Variants in ZZEF1 observed in about 807,000 individuals in gnomAD.
ZZEF1 encodes the protein zinc finger ZZ-type and EF-hand domain-containing protein 1.
In ZZEF1, 157 loss-of-function variants were observed where a neutral mutation model predicts 342.8. That is an observed-to-expected ratio of 0.46 (90% CI 0.40 to 0.52). The LOEUF is 0.52. ZZEF1 is among the 20% of genes least tolerant of loss of function. ZZEF1 has a pLI of 0.00. For synonymous variants in ZZEF1, 1,505 were observed against 1,429.1 expected (o/e 1.05, Z -1.20); for missense variants, 3,480 against 3,725.6 (o/e 0.93, Z 1.72).
chr17:4,051,914 T>G, intron 35 of ZZEF1, 57 bp downstream of exon 35: 2 of 1,535,488 alleles, frequency 1.3e-6, no homozygotes, highest in South Asian at 2.5e-5. Flanking sequence ...AAGTCCCTTT[T>G]CAAGTGAAGG....
At chr17:4,027,048 G>A (rs1333606897) in intron 42 of ZZEF1, among the ~76,000 whole-genome samples, 1 of 152,082 alleles carries the variant, frequency 6.6e-6, no homozygotes, top group Admixed American at 6.6e-5. Context: ...TCTTTACAAA[G>A]GAATGAAGAG....
At chr17:4,009,854 T>A in intron 52 of ZZEF1, 97 bp from the exon 53 acceptor site, 1 of 1,382,086 alleles carries the variant, frequency 7.2e-7, no homozygotes, top group Non-Finnish European at 9.8e-7. Context: ...ACCCTCCCTC[T>A]CCCACAGCTG....
chr17:4,080,942 C>G (rs2057712308), intron 18 of ZZEF1, among the ~76,000 whole-genome samples: 2 of 152,116 alleles, frequency 1.3e-5, no homozygotes, highest in African/African-American at 4.8e-5. Flanking sequence ...AGTCAAGTAA[C>G]AAAGTACATT....
At position 4,052,091 on chromosome 17, in the gene ZZEF1, T is replaced by C. The variant is rs766584017; in HGVS notation, c.5480A>G (p.Asn1827Ser). The C allele has an allele frequency of 3.7e-6, 6 of 1,614,040 alleles. No homozygotes were observed. The South Asian group carries it at 4.4e-5, about 12-fold the overall frequency. Residue 1827 changes from asparagine (N) to serine (S), a missense_variant, in exon 35 of 55, where the codon AAC becomes AGC. Physicochemically the swap from Asn to Ser is conservative, Grantham distance 46. Around this residue, in one of 5 missense-constraint regions of ZZEF1, gnomAD observed 175 missense variants for 254.6 expected, o/e 0.69. Coordinates refer to ENST00000381638, the MANE Select transcript of ZZEF1 (RefSeq NM_015113.4). ...EGHGDDHEMV[N>S]MEFTCDHCQG... ...GCAGTGGTCACAGGTAAACTCCATG[T>C]TGACCATTTCATGGTCGTCTCCGTG...
chr17:4,009,090 T>TG (rs2055876965), intron 53 of ZZEF1, 136 bp from the exon 54 acceptor site: 1 of 1,082,528 alleles, frequency 9.2e-7, no homozygotes, highest in African/African-American at 1.6e-5. Flanking sequence ...CAGCACCGCG[T>TG]GGCACTGCCT....
intron 34 of ZZEF1, 59 bp downstream of exon 34, chr17:4,053,998 C>T (rs1160838177): frequency 1.3e-6 from 2 of 1,529,000 alleles, no homozygotes; most frequent in Non-Finnish European, 1.8e-6. Context: ...ATGACAAGAT[C>T]ATAGAAATCA....
chr17:4,068,752 C>A (rs1200330811), intron 26 of ZZEF1, among the ~76,000 whole-genome samples: 1 of 152,170 alleles, frequency 6.6e-6, no homozygotes, highest in Non-Finnish European at 1.5e-5. Flanking sequence ...CTGTACCAGA[C>A]ACTGGGAATA....
intron 7 of ZZEF1, 49 bp downstream of exon 7, chr17:4,105,644 C>A: frequency 7.6e-7 from 1 of 1,320,020 alleles, no homozygotes; most frequent in Non-Finnish European, 1.1e-6. Flanking sequence ...AACAAGCATA[C>A]GTGCACTCCA....
chr17:4,050,733 C>T (rs1419905393), intron 36 of ZZEF1, 48 bp downstream of exon 36: 3 of 1,604,728 alleles, frequency 1.9e-6, no homozygotes, highest in Non-Finnish European at 2.5e-6. Flanking sequence ...GGCTTTTTTT[C>T]ACCAGCAACT....
At chr17:4,091,805 G>A (rs527379613) in intron 11 of ZZEF1, among the ~76,000 whole-genome samples, 53 of 151,114 alleles carry the variant, frequency 3.5e-4, no homozygotes, top group Non-Finnish European at 6.2e-4. Flanking sequence ...GGCCGGGCAC[G>A]GTGGCTCACA....
At position 4,017,327 on chromosome 17, in the gene ZZEF1, G is replaced by T; in HGVS notation, c.8001+44C>A. 1 of 1,545,120 alleles carries T rather than the reference G, an allele frequency of 6.5e-7. No homozygotes were observed. The highest frequency in any genetic ancestry group is 1.2e-5 in the South Asian group (1 of 81,268). The stretch of plus-strand genomic sequence containing the variant: ...CACTGGAGGAAGCCTGTGGGGCAGA[G>T]GAAGAACCTGGTGGGTGAGCACAAG... On this transcript the variant is annotated intron_variant, in intron 48 of 54. Coordinates refer to ENST00000381638, the MANE Select transcript of ZZEF1 (RefSeq NM_015113.4). The surrounding 1 kb of genome is among the most constrained non-coding windows in gnomAD (Gnocchi z 5.1).
In ZZEF1 at chr17:4,056,262, G is replaced by T. The variant is rs770953864; in HGVS notation, c.5249C>A (p.Ala1750Asp). 8 of 1,592,802 alleles carry T rather than the reference G, an allele frequency of 5.0e-6. No homozygotes were observed. The highest frequency in any genetic ancestry group is 6.0e-6 in the Non-Finnish European group (7 of 1,169,494). The change falls in exon 33 of 55, where the codon GCC (alanine) becomes GAC (aspartate). Residue 1750 changes from alanine (A) to aspartate (D), a missense_variant. Physicochemically the swap from Ala to Asp is moderately radical, Grantham distance 126 (BLOSUM62 -2). Around this residue, in one of 5 missense-constraint regions of ZZEF1, gnomAD observed 175 missense variants for 254.6 expected, o/e 0.69. Transcript: ENST00000381638. ...MDECQDGMFE[A>D]WYEKIAQEDP... ...TTCCTGGGCTATTTTTTCATACCAG[G>T]CCTCAAACATGCCATCCTGACACTC...
At chr17:4,080,757 T>C (rs1390967617) in intron 18 of ZZEF1, among the ~76,000 whole-genome samples, 1 of 151,658 alleles carries the variant, frequency 6.6e-6, no homozygotes, top group Non-Finnish European at 1.5e-5. Flanking sequence ...TATCTGTGTG[T>C]TGGGCTCACT....
rs192504048 is a variant in ZZEF1, at chr17:4,023,196, T to C, written c.7093-368A>G. Reference sequence around the variant, plus strand: ...TTGCTACTCACTCCGCGTGTAATGCTCTGTCCAGTTTTCCCAAAGCTGACT... The same window carrying C: ...TTGCTACTCACTCCGCGTGTAATGCCCTGTCCAGTTTTCCCAAAGCTGACT... On this transcript the variant is annotated intron_variant, in intron 43 of 54. Coordinates refer to ENST00000381638, the MANE Select transcript of ZZEF1 (RefSeq NM_015113.4). 2.8e-4 allele frequency among the ~76,000 whole-genome samples: 43 copies of C among 152,336 alleles called. No homozygotes were observed. The South Asian group carries it at 3.9e-3, about 14-fold the overall frequency.
intron 33 of ZZEF1, among the ~76,000 whole-genome samples, chr17:4,054,527 G>C (rs1259454117): frequency 6.6e-6 from 1 of 152,212 alleles, no homozygotes; most frequent in Non-Finnish European, 1.5e-5. Flanking sequence ...GTACTAGACG[G>C]GTCGGGGTAA....
chr17:4,014,062 G>A lies in ZZEF1; in HGVS notation c.8413+28C>T. ...ATGGAGTGTCCCTGGCAGGCAGATG[G>A]TGTGAACGCAAAGCCCAGAGCACAC... On this transcript the variant is annotated intron_variant, in intron 51 of 54. Transcript: ENST00000381638. This position sits in a 1 kb window ranked among gnomAD's most constrained non-coding sequence, Gnocchi z 4.4. 1 of 1,603,542 alleles carries A rather than the reference G, an allele frequency of 6.2e-7. No homozygotes were observed.
At chr17:4,043,719 G>T (rs1192734106) in intron 38 of ZZEF1, among the ~76,000 whole-genome samples, 3 of 152,162 alleles carry the variant, frequency 2.0e-5, no homozygotes, top group Non-Finnish European at 4.4e-5. Flanking sequence ...GCTCCTGTTG[G>T]CCTTTCTTCT....
chr17:4,080,777 T>C (rs1458934940), intron 18 of ZZEF1, among the ~76,000 whole-genome samples: 2 of 152,210 alleles, frequency 1.3e-5, no homozygotes, highest in African/African-American at 4.8e-5. Flanking sequence ...TGACAACCAC[T>C]ACAAGGGGAC....
At chr17:4,009,508 T>A (rs2055888966) in intron 53 of ZZEF1, 96 bp downstream of exon 53, 1 of 1,561,510 alleles carries the variant, frequency 6.4e-7, no homozygotes, top group Non-Finnish European at 8.7e-7. Flanking sequence ...CCCTGGCCAC[T>A]CAGGCTCGGA....
Sources: allele counts gnomAD v4.1 joint callset (sites outside exome capture counted in the v4.1 genomes callset), GRCh38; gene constraint gnomAD v4.1.1; regional missense constraint gnomAD v4.1.1; non-coding constraint Gnocchi (gnomAD v3.1); transcripts MANE v1.5; gene names NCBI Gene and HGNC (gene_info 2026-07-23, HGNC 2026-07-21).